Variants in RUNDC3B observed in about 807,000 individuals in gnomAD.
RUNDC3B encodes RUN domain containing 3B.
In RUNDC3B, 33 loss-of-function variants were observed where a neutral mutation model predicts 58.4. The ratio of observed to expected loss-of-function variants is 0.56; its 90% CI spans 0.43 to 0.75. RUNDC3B has a LOEUF of 0.75. Among genes scored for constraint, RUNDC3B ranks in the 30% least tolerant of loss-of-function variants. RUNDC3B has a pLI of 0.00. For missense variants in RUNDC3B, 501 were observed against 535.7 expected (o/e 0.94, Z 0.64); for synonymous variants, 193 against 195.2 (o/e 0.99, Z 0.10).
Position 87,638,287 on chromosome 7 carries a change from T to C in RUNDC3B, c.122+9342T>C, listed in dbSNP as rs1822020537. ...TGATTGTCCTTTCTTATAATGTTCT[T>C]GTCTGGTTTTGTCATTAAGATTATT... On this transcript the variant is annotated intron_variant, in intron 1 of 10. Transcript: ENST00000394654. Among the ~76,000 whole-genome samples, 4 of 152,252 alleles carry C rather than the reference T, an allele frequency of 2.6e-5. No individual in the cohort carries two copies. The South Asian group carries it at 8.3e-4, about 32-fold the overall frequency.
intron 2 of RUNDC3B, among the ~76,000 whole-genome samples, chr7:87,686,210 CA>C (rs1827442208): frequency 6.6e-6 from 1 of 152,040 alleles, no homozygotes; most frequent in Non-Finnish European, 1.5e-5. Context: ...TATTCAACAA[CA>C]AATTTAGGCC....
intron 4 of RUNDC3B, among the ~76,000 whole-genome samples, chr7:87,735,435 A>C (rs1419381513): frequency 6.6e-6 from 1 of 152,176 alleles, no homozygotes; most frequent in Non-Finnish European, 1.5e-5. Flanking sequence ...AGATTATGTC[A>C]GCTCCTACTT....
At chr7:87,791,376 A>T (rs1006642477) in intron 8 of RUNDC3B, among the ~76,000 whole-genome samples, 5 of 152,174 alleles carry the variant, frequency 3.3e-5, no homozygotes, top group African/African-American at 4.8e-5. Context: ...AATGAGTAAG[A>T]AGAAATTATC....
intron 6 of RUNDC3B, among the ~76,000 whole-genome samples, chr7:87,752,150 T>C (rs1833044687): frequency 6.6e-6 from 1 of 152,238 alleles, no homozygotes; most frequent in African/African-American, 2.4e-5. Flanking sequence ...TTTTTGTCTT[T>C]GTTTCTGTTT....
intron 6 of RUNDC3B, among the ~76,000 whole-genome samples, chr7:87,746,050 T>C (rs1278100219): frequency 2.6e-5 from 4 of 152,226 alleles, no homozygotes; most frequent in Non-Finnish European, 5.9e-5. Context: ...CATTATTTTG[T>C]TTTTGACTCA....
rs147042479 is a variant in RUNDC3B at position 87,810,284 on chromosome 7, G to A, written c.1103+2765G>A. 3.8e-3 allele frequency among the ~76,000 whole-genome samples: 572 copies of A among 152,308 alleles called. 3 individuals are homozygous for A. Among genetic ancestry groups the A allele is most frequent in the African/African-American group, 0.013 (551 of 41,568 alleles). On this transcript the variant is annotated intron_variant, in intron 9 of 10. Coordinates refer to ENST00000394654, the MANE Select transcript of RUNDC3B (RefSeq NM_001134405.2). Reference sequence around the variant, plus strand: ...AGAGCTCTGCCCAGCAGTGGATGTAGGCAGCTTTTATAGGCCAAACAAAAG... The same window carrying A: ...AGAGCTCTGCCCAGCAGTGGATGTAAGCAGCTTTTATAGGCCAAACAAAAG...
chr7:87,648,641 T>C (rs1823265424), intron 1 of RUNDC3B, among the ~76,000 whole-genome samples: 1 of 152,192 alleles, frequency 6.6e-6, no homozygotes, highest in Admixed American at 6.5e-5. Context: ...AGTAAAACAC[T>C]TGAATTCTCA....
intron 2 of RUNDC3B, among the ~76,000 whole-genome samples, chr7:87,681,459 A>G (rs1286385508): frequency 2.7e-5 from 4 of 150,798 alleles, no homozygotes; most frequent in Non-Finnish European, 2.9e-5. Flanking sequence ...AGCAAGTCAC[A>G]AAAAATTTTT....
intron 9 of RUNDC3B, among the ~76,000 whole-genome samples, chr7:87,811,877 T>C (rs1390329513): frequency 6.6e-6 from 1 of 152,214 alleles, no homozygotes; most frequent in Non-Finnish European, 1.5e-5. Context: ...TAGCAAATGA[T>C]TATTTTGTTC....
chr7:87,718,962 T>C (rs1340131543), intron 4 of RUNDC3B, among the ~76,000 whole-genome samples: 1 of 152,040 alleles, frequency 6.6e-6, no homozygotes, highest in Non-Finnish European at 1.5e-5. Flanking sequence ...TAGAAAACCG[T>C]AGAGATTCAG....
chr7:87,786,293 G>C (rs1563208792), intron 8 of RUNDC3B, among the ~76,000 whole-genome samples: 2 of 151,950 alleles, frequency 1.3e-5, no homozygotes, highest in African/African-American at 2.4e-5. Flanking sequence ...AAGTATCATA[G>C]ACTAAAAATC....
At chr7:87,647,904 G>T (rs1044440186) in intron 1 of RUNDC3B, among the ~76,000 whole-genome samples, 1 of 152,072 alleles carries the variant, frequency 6.6e-6, no homozygotes, top group African/African-American at 2.4e-5. Flanking sequence ...AAAATGATAG[G>T]CCAGGCACGG....
In RUNDC3B at chr7:87,770,709, A is replaced by G; in HGVS notation, c.758A>G (p.Lys253Arg). 1 of 1,613,682 alleles carries G rather than the reference A, an allele frequency of 6.2e-7. No individual in the cohort carries two copies. Among genetic ancestry groups the G allele is most frequent in the Non-Finnish European group, 8.5e-7 (1 of 1,179,622 alleles). The stretch of plus-strand genomic sequence containing the variant: ...GAGAACAGTTGGTTCAACAAGTGTA[A>G]GAGAGTTAAACAAAAGTATCAGCTT... ...MDENSWFNKC[K>R]RVKQKYQLTL... The change falls in exon 7 of 11, where the codon AAG becomes AGG. Residue 253 changes from lysine to arginine, a missense_variant. Physicochemically the swap from Lys to Arg is conservative, Grantham distance 26. Transcript: ENST00000394654.
intron 3 of RUNDC3B, among the ~76,000 whole-genome samples, chr7:87,703,106 T>A (rs759650043): frequency 3.3e-5 from 5 of 152,158 alleles, no homozygotes; most frequent in Non-Finnish European, 7.4e-5. Flanking sequence ...AAATTGATAT[T>A]TACAGTTTTA....
At chr7:87,637,604 A>G (rs997514121) in intron 1 of RUNDC3B, among the ~76,000 whole-genome samples, 1 of 152,070 alleles carries the variant, frequency 6.6e-6, no homozygotes, top group African/African-American at 2.4e-5. Flanking sequence ...TCAATAATGT[A>G]GTTTTGCATA....
intron 2 of RUNDC3B, among the ~76,000 whole-genome samples, chr7:87,696,232 A>G (rs1563140926): frequency 6.6e-6 from 1 of 152,188 alleles, no homozygotes; most frequent in Non-Finnish European, 1.5e-5. Context: ...CAAGATATAG[A>G]GTAGTCAGTT....
At chr7:87,698,668 G>A (rs118183024) in intron 2 of RUNDC3B, among the ~76,000 whole-genome samples, 1 of 152,274 alleles carries the variant, frequency 6.6e-6, no homozygotes, top group East Asian at 1.9e-4. Flanking sequence ...TATTTATTGA[G>A]TGCCTACTGT....
At chr7:87,674,629 G>A (rs1166184266) in intron 2 of RUNDC3B, among the ~76,000 whole-genome samples, 1 of 152,078 alleles carries the variant, frequency 6.6e-6, no homozygotes, top group Non-Finnish European at 1.5e-5. Context: ...AGCTGTGGGT[G>A]GGCTAGCATG....
At chr7:87,718,876 TG>T (rs1164210026) in intron 4 of RUNDC3B, among the ~76,000 whole-genome samples, 1 of 152,072 alleles carries the variant, frequency 6.6e-6, no homozygotes, top group East Asian at 1.9e-4. Context: ...TTAGACAAAA[TG>T]AATCATTTAG....
Sources: allele counts gnomAD v4.1 joint callset (sites outside exome capture counted in the v4.1 genomes callset), GRCh38; gene constraint gnomAD v4.1.1; transcripts MANE v1.5; gene names NCBI Gene and HGNC (gene_info 2026-07-23, HGNC 2026-07-21).